SAMD5: variants seen among roughly 807,000 people sequenced by gnomAD.
SAMD5 encodes sterile alpha motif domain containing 5.
A neutral mutation model predicts 11.3 loss-of-function variants in SAMD5; 13 were observed. The observed-to-expected ratio is 1.15, with a 90% confidence interval of 0.75 to 1.83. The LOEUF (loss-of-function observed/expected upper bound fraction) is 1.83. Ranked by LOEUF, SAMD5 falls within the 40% of genes most tolerant of loss-of-function variation. The pLI, the probability that SAMD5 is intolerant of heterozygous loss-of-function variation, is 0.00. For synonymous variants in SAMD5, 129 were observed against 111.3 expected (o/e 1.16, Z -1.00); for missense variants, 255 against 239.1 (o/e 1.07, Z -0.44).
chr6:147,822,433 A>ACCATATGT, the SAMD5 span, among the ~76,000 whole-genome samples: 14 of 152,328 alleles, frequency 9.2e-5, no homozygotes, highest in South Asian at 2.9e-3. Flanking sequence ...ATTAAAAAAT[A>ACCATATGT]CCATATGTGG....
chr6:147,667,981 T>C (rs2074791132), intron 1 of SAMD5, among the ~76,000 whole-genome samples: 1 of 152,170 alleles, frequency 6.6e-6, no homozygotes, highest in Admixed American at 6.5e-5. Flanking sequence ...AGGCTTTTGT[T>C]TTTTGGTAGG....
At chr6:147,741,050 A>G (rs1470596015), downstream of SAMD5, among the ~76,000 whole-genome samples, 3 of 152,232 alleles carry the variant, frequency 2.0e-5, no homozygotes, top group Admixed American at 2.0e-4. Context: ...AGTATTCACC[A>G]TGGAATGGCG....
chr6:147,785,593 T>TAGATG, the SAMD5 span, among the ~76,000 whole-genome samples: 1 of 152,162 alleles, frequency 6.6e-6, no homozygotes, highest in East Asian at 1.9e-4. Flanking sequence ...TAGTGAGAAT[T>TAGATG]AGATGGGAAA....
chr6:147,800,304 G>T, the SAMD5 span, among the ~76,000 whole-genome samples: 32 of 152,282 alleles, frequency 2.1e-4, no homozygotes, highest in South Asian at 6.2e-3. Context: ...ACCCTCAGCT[G>T]CAGGTCTGTT....
At chr6:147,640,497 C>CAAAAAAAAAAAAAAAA (rs1172694444) in intron 1 of SAMD5, among the ~76,000 whole-genome samples, 4 of 24,190 alleles carry the variant, frequency 1.7e-4, no homozygotes, top group Admixed American at 8.8e-4. Context: ...GACTCTGTCG[C>CAAAAAAAAAAAAAAAA]AAAAAAAAAA....
chr6:147,623,533 A>G (rs1790003424), intron 1 of SAMD5, among the ~76,000 whole-genome samples: 7 of 152,228 alleles, frequency 4.6e-5, no homozygotes, highest in Admixed American at 4.6e-4. Context: ...TAGACTGAGT[A>G]ATCTGATATT....
chr6:147,781,608 A>G, the SAMD5 span, among the ~76,000 whole-genome samples: 1 of 152,134 alleles, frequency 6.6e-6, no homozygotes, highest in African/African-American at 2.4e-5. Context: ...TTGGGCAAGA[A>G]CCTAGTTGCT....
intron 1 of SAMD5, among the ~76,000 whole-genome samples, chr6:147,520,322 T>A (rs1001079740): frequency 6.6e-6 from 1 of 152,134 alleles, no homozygotes; most frequent in East Asian, 1.9e-4. Context: ...AATTTCACCA[T>A]GTTGGCCAGG....
At chr6:147,839,360 A>C in the SAMD5 span, among the ~76,000 whole-genome samples, 1 of 152,216 alleles carries the variant, frequency 6.6e-6, no homozygotes, top group South Asian at 2.1e-4. Flanking sequence ...ATCCAAAATA[A>C]ATCTAATATA....
Position 147,540,784 on chromosome 6 carries a change from G to T in SAMD5, c.460-23610G>T, listed in dbSNP as rs1013976281. Among the ~76,000 whole-genome samples the T allele has an allele frequency of 1.6e-4, 24 of 151,890 alleles. 1 individual carries two copies. Among genetic ancestry groups the T allele is most frequent in the Admixed American group, 7.9e-4 (12 of 15,258 alleles). ...TACCCAGACAGAGAGAGAGGGGGGG[G>T]GTCCAGAAACTTGGCTGGTAGGAAT... On this transcript the variant is annotated intron_variant, in intron 1 of 1. Transcript: ENST00000367474.
chr6:147,789,398 C>T, the SAMD5 span, among the ~76,000 whole-genome samples: 1 of 151,976 alleles, frequency 6.6e-6, no homozygotes, highest in Non-Finnish European at 1.5e-5. Context: ...CCTATTCATG[C>T]TTCTGCCATC....
At chr6:147,755,918 T>A in the SAMD5 span, among the ~76,000 whole-genome samples, 1 of 152,180 alleles carries the variant, frequency 6.6e-6, no homozygotes, top group Non-Finnish European at 1.5e-5. Flanking sequence ...CACAAATGAA[T>A]GCTTTTCATT....
chr6:147,644,261 C>T (rs1212336985), intron 1 of SAMD5, among the ~76,000 whole-genome samples: 2 of 152,156 alleles, frequency 1.3e-5, no homozygotes, highest in Non-Finnish European at 2.9e-5. Context: ...TGGAATTCTA[C>T]ACTTTTGAGG....
the SAMD5 span, among the ~76,000 whole-genome samples, chr6:147,834,593 T>A: frequency 6.6e-6 from 1 of 152,216 alleles, no homozygotes; most frequent in Non-Finnish European, 1.5e-5. Flanking sequence ...TCATTTGTAT[T>A]CCCTTGGGTT....
intron 1 of SAMD5, among the ~76,000 whole-genome samples, chr6:147,733,343 A>G (rs975533451): frequency 1.3e-5 from 2 of 152,164 alleles, no homozygotes; most frequent in Non-Finnish European, 2.9e-5. Flanking sequence ...TTTATAGTTT[A>G]TTAATAGCAG....
chr6:147,703,269 T>C (rs994440758), intron 1 of SAMD5, among the ~76,000 whole-genome samples: 1 of 152,106 alleles, frequency 6.6e-6, no homozygotes, highest in African/African-American at 2.4e-5. Context: ...GGTTTCACCA[T>C]GTTGGTTGGC....
chr6:147,615,887 T>C (rs980268817), intron 1 of SAMD5, among the ~76,000 whole-genome samples: 4 of 152,150 alleles, frequency 2.6e-5, no homozygotes, highest in Non-Finnish European at 5.9e-5. Context: ...ATGATTCTGC[T>C]CTTCTAGATG....
At chr6:147,617,683 A>G (rs1199810938) in intron 1 of SAMD5, among the ~76,000 whole-genome samples, 1 of 152,176 alleles carries the variant, frequency 6.6e-6, no homozygotes, top group Non-Finnish European at 1.5e-5. Flanking sequence ...CACATGCAGA[A>G]CTCATCACAC....
At chr6:147,552,726 G>A (rs376054571) in intron 1 of SAMD5, among the ~76,000 whole-genome samples, 4 of 152,274 alleles carry the variant, frequency 2.6e-5, no homozygotes, top group Admixed American at 2.6e-4. Flanking sequence ...TGTGTGGGGC[G>A]GGGTTGCGGA....
Sources: allele counts gnomAD v4.1 joint callset (sites outside exome capture counted in the v4.1 genomes callset), GRCh38; gene constraint gnomAD v4.1.1; transcripts MANE v1.5; gene names NCBI Gene and HGNC (gene_info 2026-07-23, HGNC 2026-07-21).